Variants in MAGI1 observed in about 807,000 individuals in gnomAD.
The protein encoded by MAGI1 is membrane associated guanylate kinase, WW and PDZ domain containing 1, also known as membrane-associated guanylate kinase, WW and PDZ domain-containing protein 1.
In MAGI1, 58 loss-of-function variants were observed where a neutral mutation model predicts 139.9. The observed-to-expected ratio is 0.41, with a 90% CI of 0.34 to 0.52. The LOEUF (loss-of-function observed/expected upper bound fraction) is 0.52. Among genes scored for constraint, MAGI1 ranks in the 20% least tolerant of loss-of-function variants. The pLI, the probability that MAGI1 is intolerant of heterozygous loss-of-function variation, is 0.12. For synonymous variants in MAGI1, 812 were observed against 737.9 expected, an observed-to-expected ratio of 1.10 and a Z score of -1.63; for missense variants, 1,874 against 1,901.6, an observed-to-expected ratio of 0.99 and a Z score of 0.27.
chr3:65,695,970 G>A (rs1479049752), intron 1 of MAGI1, among the ~76,000 whole-genome samples: 1 of 152,118 alleles, frequency 6.6e-6, no homozygotes, highest in African/African-American at 2.4e-5. Context: ...CCCTCCCAAA[G>A]GTAAGGCAGA....
chr3:65,398,789 T>A (rs1310002451), intron 13 of MAGI1, among the ~76,000 whole-genome samples: 1 of 152,108 alleles, frequency 6.6e-6, no homozygotes, highest in Non-Finnish European at 1.5e-5. Context: ...GTTATGAAAG[T>A]CCAGGTATTA....
At chr3:65,597,915 G>C (rs2082295835) in intron 2 of MAGI1, 1 of 412,572 alleles carries the variant, frequency 2.4e-6, no homozygotes, top group Non-Finnish European at 4.8e-6. Context: ...GCTGTAAAGA[G>C]AGGCGGGGGT....
intron 1 of MAGI1, among the ~76,000 whole-genome samples, chr3:66,021,909 T>C (rs1000016832): frequency 1.3e-5 from 2 of 152,154 alleles, no homozygotes; most frequent in East Asian, 3.9e-4. Flanking sequence ...TGGGGTACTG[T>C]GTTCAAAGTT....
chr3:65,451,621 T>G (rs1335544745), intron 6 of MAGI1, among the ~76,000 whole-genome samples: 1 of 152,004 alleles, frequency 6.6e-6, no homozygotes, highest in Admixed American at 6.6e-5. Flanking sequence ...ACTCAGAAAG[T>G]TTTGGATTTT....
At chr3:65,500,499 G>A (rs1229630221) in intron 2 of MAGI1, among the ~76,000 whole-genome samples, 6 of 152,146 alleles carry the variant, frequency 3.9e-5, no homozygotes, top group Admixed American at 3.9e-4. Flanking sequence ...ATGAGAAAGT[G>A]ACCTTCCTTA....
intron 1 of MAGI1, among the ~76,000 whole-genome samples, chr3:66,025,444 A>T (rs1331321792): frequency 3.9e-5 from 6 of 152,096 alleles, no homozygotes; most frequent in Non-Finnish European, 7.4e-5. Context: ...GTAGGCTGGG[A>T]TGGGAAGATC....
intron 2 of MAGI1, among the ~76,000 whole-genome samples, chr3:65,563,839 C>T (rs1422334708): frequency 1.3e-5 from 2 of 152,204 alleles, no homozygotes; most frequent in East Asian, 3.8e-4. Context: ...TTGATAGTTA[C>T]TGACTGCTTA....
intron 1 of MAGI1, among the ~76,000 whole-genome samples, chr3:65,655,626 G>A (rs1481504614): frequency 2.6e-5 from 4 of 152,130 alleles, no homozygotes; most frequent in Non-Finnish European, 5.9e-5. Context: ...CTAAGTGCTC[G>A]CATACATTAT....
intron 1 of MAGI1, chr3:65,872,693 T>G (rs979783986): frequency 2.6e-5 from 4 of 152,202 alleles, no homozygotes; most frequent in Admixed American, 2.6e-4. Flanking sequence ...AAAATAAATA[T>G]TTTATTGTAT....
At chr3:65,568,149 C>T (rs763286187) in intron 2 of MAGI1, among the ~76,000 whole-genome samples, 1 of 152,122 alleles carries the variant, frequency 6.6e-6, no homozygotes, top group Non-Finnish European at 1.5e-5. Context: ...ACCCAAAGAC[C>T]AACTCATCAT....
At chr3:65,518,771 A>C (rs537733945) in intron 2 of MAGI1, among the ~76,000 whole-genome samples, 11 of 152,078 alleles carry the variant, frequency 7.2e-5, no homozygotes, top group African/African-American at 2.7e-4. Context: ...GATGCAGCAA[A>C]AAAAAAATAA....
At chr3:65,952,791 G>A (rs1428326819) in intron 1 of MAGI1, among the ~76,000 whole-genome samples, 1 of 152,204 alleles carries the variant, frequency 6.6e-6, no homozygotes, top group Non-Finnish European at 1.5e-5. Flanking sequence ...TCCAGCCTCG[G>A]CGACAGAGCG....
intron 2 of MAGI1, among the ~76,000 whole-genome samples, chr3:65,549,222 G>A (rs983907935): frequency 7.2e-5 from 11 of 152,128 alleles, no homozygotes; most frequent in Non-Finnish European, 1.5e-5. Flanking sequence ...CCGGGCGGGC[G>A]GCAAGTGCAG....
At chr3:65,379,982 A>T (rs1942908493) in intron 16 of MAGI1, among the ~76,000 whole-genome samples, 1 of 152,204 alleles carries the variant, frequency 6.6e-6, no homozygotes, top group African/African-American at 2.4e-5. Context: ...TCACATTGTC[A>T]TTACTTTCCA....
chr3:65,405,544 T>C (rs1251979676), intron 12 of MAGI1, among the ~76,000 whole-genome samples: 2 of 152,174 alleles, frequency 1.3e-5, no homozygotes, highest in African/African-American at 4.8e-5. Context: ...TTTATTTATT[T>C]ATAAATACAC....
At chr3:65,426,002 T>C (rs978779107) in intron 12 of MAGI1, among the ~76,000 whole-genome samples, 1 of 152,130 alleles carries the variant, frequency 6.6e-6, no homozygotes, top group Non-Finnish European at 1.5e-5. Context: ...TGAATGCAGA[T>C]GCTATGTTCA....
chr3:65,640,323 T>C (rs1437925629), intron 1 of MAGI1, among the ~76,000 whole-genome samples: 2 of 152,196 alleles, frequency 1.3e-5, no homozygotes, highest in African/African-American at 4.8e-5. Context: ...ACTCAATTCT[T>C]AATGAATATT....
At chr3:65,386,997 G>A (rs1943495222) in intron 14 of MAGI1, 1 of 657,040 alleles carries the variant, frequency 1.5e-6, no homozygotes, top group Admixed American at 3.0e-5. Flanking sequence ...TTTGCGTTTG[G>A]TCAACAAGAG....
chr3:65,638,239 T>C (rs900502350), intron 1 of MAGI1, among the ~76,000 whole-genome samples: 3 of 152,196 alleles, frequency 2.0e-5, no homozygotes, highest in Admixed American at 1.3e-4. Flanking sequence ...TACAACGTAA[T>C]GCTCACTAAT....
Sources: allele counts gnomAD v4.1 joint callset (sites outside exome capture counted in the v4.1 genomes callset), GRCh38; gene constraint gnomAD v4.1.1; transcripts MANE v1.5; gene names NCBI Gene and HGNC (gene_info 2026-07-23, HGNC 2026-07-21).